SYNJ2BP: variants seen among roughly 807,000 people sequenced by gnomAD.
SYNJ2BP encodes synaptojanin-2-binding protein.
Under a neutral mutation model 16.9 loss-of-function variants are expected in SYNJ2BP, and 10 were observed. The observed-to-expected ratio is 0.59, with a 90% CI of 0.36 to 1.00. The LOEUF (loss-of-function observed/expected upper bound fraction) is 1.00, where lower values mean the gene tolerates loss of function less well. Ranked by LOEUF, SYNJ2BP falls within the 50% of genes least tolerant of loss-of-function variation. The probability of loss-of-function intolerance (pLI) is 0.01; values close to 1 mark genes in which losing one functional copy is unlikely to be tolerated. For missense variants in SYNJ2BP, 162 were observed against 186.7 expected (o/e 0.87, Z 0.77); for synonymous variants, 54 against 68.4 (o/e 0.79, Z 1.04).
intron 1 of SYNJ2BP, among the ~76,000 whole-genome samples, chr14:70,397,718 G>A (rs1015175895): frequency 1.3e-5 from 2 of 152,218 alleles, no homozygotes; most frequent in African/African-American, 4.8e-5. Flanking sequence ...TACATGAAGG[G>A]TTGCAGCTCT....
At chr14:70,407,578 TCTA>T (rs1345284388) in intron 1 of SYNJ2BP, among the ~76,000 whole-genome samples, 3 of 152,134 alleles carry the variant, frequency 2.0e-5, no homozygotes, top group Admixed American at 1.3e-4. Context: ...GTAGACTTTT[TCTA>T]CTATTTCCTA....
intron 2 of SYNJ2BP, among the ~76,000 whole-genome samples, chr14:70,380,873 C>T (rs78983632): frequency 0.027 from 4,171 of 152,238 alleles, 84 homozygotes; most frequent in Middle Eastern, 0.075. Flanking sequence ...CAACTATATA[C>T]TTTGAATACT....
intron 1 of SYNJ2BP, among the ~76,000 whole-genome samples, chr14:70,412,509 C>CAGTATATATACAGTATACATGTATGTAT (rs1888497009): frequency 1.1e-4 from 10 of 87,688 alleles, no homozygotes; most frequent in Non-Finnish European, 2.1e-4. Context: ...AGTATATATA[C>CAGTATATATACAGTATACATGTATGTAT]AGTATATATA....
chr14:70,401,805 G>A (rs1002753418), intron 1 of SYNJ2BP, among the ~76,000 whole-genome samples: 4 of 151,730 alleles, frequency 2.6e-5, no homozygotes, highest in Non-Finnish European at 4.4e-5. Context: ...ACCACACCCA[G>A]CTAATGTTTT....
intron 1 of SYNJ2BP, among the ~76,000 whole-genome samples, chr14:70,411,174 C>G (rs1888464634): frequency 6.6e-6 from 1 of 152,124 alleles, no homozygotes; most frequent in Non-Finnish European, 1.5e-5. Flanking sequence ...GGATCGAAAT[C>G]TTCACTTAAA....
chr14:70,407,773 TCG>T (rs1230299481), intron 1 of SYNJ2BP, among the ~76,000 whole-genome samples: 48 of 152,318 alleles, frequency 3.2e-4, no homozygotes, highest in Non-Finnish European at 5.9e-4. Flanking sequence ...ATATTTGCTA[TCG>T]CTTTTCACCC....
chr14:70,410,178 G>T (rs749925395), intron 1 of SYNJ2BP, among the ~76,000 whole-genome samples: 3 of 152,176 alleles, frequency 2.0e-5, no homozygotes, highest in Non-Finnish European at 4.4e-5. Context: ...ACTTTAGGAG[G>T]CCGAGGTGGG....
rs1403640596 is a variant in SYNJ2BP, at chr14:70,412,779, T to C, written c.64+4121A>G. On this transcript the variant is annotated intron_variant, in intron 1 of 3. Coordinates refer to ENST00000256366, the MANE Select transcript of SYNJ2BP (RefSeq NM_018373.3). ...TTAAAGATGGCATATCAGGAGTAAC[T>C]TGCTGAAACCCATTGAGGACTCGGA... 4.6e-5 allele frequency among the ~76,000 whole-genome samples: 7 copies of C among 152,052 alleles called. No homozygotes were observed. In the East Asian group the frequency reaches 1.3e-3, roughly 29 times the overall value.
intron 3 of SYNJ2BP, among the ~76,000 whole-genome samples, chr14:70,373,534 GATAAT>G (rs1887562939): frequency 6.6e-6 from 1 of 152,154 alleles, no homozygotes; most frequent in South Asian, 2.1e-4. Flanking sequence ...TGTTTACTTA[GATAAT>G]CAGTCATCAA....
rs750628162 is a variant in SYNJ2BP, at chr14:70,370,469, T to C, written c.*2522A>G. The C allele has an allele frequency of 1.3e-5, 2 of 152,194 alleles. No individual in the cohort carries two copies. The highest frequency in any genetic ancestry group is 2.4e-5 in the African/African-American group (1 of 41,452). The allele number at this position is 152,194 out of a possible 1,614,324, so 9.4% of individuals were successfully genotyped here. On this transcript the variant is annotated 3_prime_UTR_variant, in exon 4 of 4. Transcript: ENST00000256366. ...CTAAGTGAGTCTCAAAGGTATTGAATAGTTGATGTCAAAAGGCACTTTATG... is the reference window on the plus strand; with the variant it reads ...CTAAGTGAGTCTCAAAGGTATTGAACAGTTGATGTCAAAAGGCACTTTATG...
At chr14:70,401,390 GT>G (rs957247714) in intron 1 of SYNJ2BP, among the ~76,000 whole-genome samples, 1 of 152,016 alleles carries the variant, frequency 6.6e-6, no homozygotes, top group African/African-American at 2.4e-5. Context: ...CAGGCCAGGA[GT>G]TTGAGACCAG....
At chr14:70,396,599 T>TGTGTGTAC (rs1888103667) in intron 1 of SYNJ2BP, among the ~76,000 whole-genome samples, 1 of 136,524 alleles carries the variant, frequency 7.3e-6, no homozygotes, top group Non-Finnish European at 1.6e-5. Context: ...TATGTGTGTA[T>TGTGTGTAC]ATGTATGTAT....
chr14:70,412,915 C>CT (rs1181804127), intron 1 of SYNJ2BP, among the ~76,000 whole-genome samples: 2 of 152,066 alleles, frequency 1.3e-5, no homozygotes, highest in African/African-American at 4.8e-5. Flanking sequence ...TCTTGTCACA[C>CT]TTTTTAGAGT....
chr14:70,408,685 A>AG (rs1888404185), intron 1 of SYNJ2BP, among the ~76,000 whole-genome samples: 1 of 151,560 alleles, frequency 6.6e-6, no homozygotes, highest in South Asian at 2.1e-4. Context: ...AAAAAAAAAA[A>AG]AATCATTGAA....
At chr14:70,379,671 A>G (rs1462875306) in intron 2 of SYNJ2BP, among the ~76,000 whole-genome samples, 1 of 152,248 alleles carries the variant, frequency 6.6e-6, no homozygotes, top group East Asian at 1.9e-4. Flanking sequence ...GGATTTCTAT[A>G]ACTATCACAA....
At chr14:70,398,760 A>G (rs1325437600) in intron 1 of SYNJ2BP, among the ~76,000 whole-genome samples, 1 of 152,154 alleles carries the variant, frequency 6.6e-6, no homozygotes, top group African/African-American at 2.4e-5. Context: ...AGCCAGCACT[A>G]GCTGTGCCTC....
chr14:70,391,885 G>A (rs1418969439), intron 1 of SYNJ2BP, among the ~76,000 whole-genome samples: 1 of 152,176 alleles, frequency 6.6e-6, no homozygotes, highest in East Asian at 1.9e-4. Context: ...GAGAACTCCT[G>A]GACTGACCTG....
intron 1 of SYNJ2BP, among the ~76,000 whole-genome samples, chr14:70,403,753 TTTTA>T (rs1361484341): frequency 6.6e-6 from 1 of 152,234 alleles, no homozygotes; most frequent in Non-Finnish European, 1.5e-5. Flanking sequence ...TTAGACATTC[TTTTA>T]TTTGTTTACT....
chr14:70,408,740 T>C (rs1413870129), intron 1 of SYNJ2BP, among the ~76,000 whole-genome samples: 1 of 152,168 alleles, frequency 6.6e-6, no homozygotes, highest in Non-Finnish European at 1.5e-5. Context: ...TCTCATATTA[T>C]AGCTGAGGAA....
Sources: gnomAD v4.1 joint callset for allele counts (sites outside exome capture counted in the v4.1 genomes callset) on GRCh38, gnomAD v4.1.1 for gene constraint, MANE v1.5 for transcripts, NCBI Gene and HGNC (gene_info 2026-07-23, HGNC 2026-07-21) for gene names.